TTC23L: variants seen among roughly 807,000 people sequenced by gnomAD.
TTC23L encodes tetratricopeptide repeat domain 23 like, also known as tetratricopeptide repeat protein 23-like.
Under a neutral mutation model 48.1 loss-of-function variants are expected in TTC23L, and 42 were observed. That is an observed-to-expected ratio of 0.87 (90% CI 0.68 to 1.13). The LOEUF is 1.13. Ranked by LOEUF, TTC23L falls within the 50% of genes most tolerant of loss-of-function variation. The pLI is 0.00. For missense variants in TTC23L, 391 were observed against 421.0 expected (o/e 0.93, Z 0.62); for synonymous variants, 159 against 157.2 (o/e 1.01, Z -0.09).
downstream of TTC23L, chr5:34,902,261 C>T (rs1452934854): frequency 5.5e-6 from 1 of 181,340 alleles, no homozygotes; most frequent in Admixed American, 5.4e-5. Context: ...ACCAAAAATA[C>T]AAAAATTAGC....
chr5:34,922,448 A>C, the TTC23L span: 1 of 949,046 alleles, frequency 1.1e-6, no homozygotes, highest in Admixed American at 2.3e-5. Flanking sequence ...TAAATGTATA[A>C]ATATTATAAG....
chr5:34,851,135 AC>A (rs1759642966), intron 4 of TTC23L, among the ~76,000 whole-genome samples: 1 of 152,164 alleles, frequency 6.6e-6, no homozygotes, highest in African/African-American at 2.4e-5. Context: ...TCCTTTGTAC[AC>A]AATATGGTTT....
chr5:34,850,818 T>A (rs1759612187), intron 4 of TTC23L, among the ~76,000 whole-genome samples: 1 of 152,204 alleles, frequency 6.6e-6, no homozygotes, highest in Non-Finnish European at 1.5e-5. Context: ...TACTCTAGTA[T>A]AAGAGAATAA....
At chr5:34,867,144 A>G (rs929979287) in intron 7 of TTC23L, 75 bp downstream of exon 7, 1 of 1,439,184 alleles carries the variant, frequency 6.9e-7, no homozygotes, top group African/African-American at 1.4e-5. Flanking sequence ...CCAGGGAAGC[A>G]TGGGCTTCTC....
chr5:34,919,750 T>C, the TTC23L span: 14 of 434,994 alleles, frequency 3.2e-5, no homozygotes, highest in East Asian at 4.8e-4. Context: ...GTAAAAACAC[T>C]TTATTTTCTG....
rs1394157929 is a variant in TTC23L at position 34,845,632 on chromosome 5, C to A, written c.214C>A (p.Gln72Lys). The change falls in exon 3 of 11, where the codon CAA (glutamine) becomes AAA (lysine). Residue 72 changes from glutamine (Q) to lysine (K), a missense_variant. Gln to Lys is a moderately conservative substitution (Grantham distance 53, BLOSUM62 1). Transcript: ENST00000505624. ...GTCTCATCCCAAAGAGAAATTAGCC[C>A]AATCCCAGAAGAAAGTAGCTCAGCT... The A allele has an allele frequency of 3.1e-6, 5 of 1,613,454 alleles. No homozygotes were observed. The Admixed American group carries it at 8.4e-5, about 27-fold the overall frequency.
At chr5:34,845,091 A>G (rs1186930502) in intron 2 of TTC23L, among the ~76,000 whole-genome samples, 1 of 152,184 alleles carries the variant, frequency 6.6e-6, no homozygotes, top group African/African-American at 2.4e-5. Flanking sequence ...TCCTGGAGCT[A>G]ATGATATACT....
chr5:34,904,452 G>A (rs570267178), downstream of TTC23L, among the ~76,000 whole-genome samples: 54 of 151,736 alleles, frequency 3.6e-4, no homozygotes, highest in Non-Finnish European at 2.8e-4. Flanking sequence ...TTATTAGCTC[G>A]ATGTGGTGGC....
Position 34,864,540 on chromosome 5 carries a change from G to A in TTC23L, c.640G>A (p.Asp214Asn), listed in dbSNP as rs549474035. ...TTGTGAATTACAAGTCTCTGAGAAC[G>A]ACCTAACACTTGCTTTGGGCAGGTA... The change falls in exon 6 of 11, where the codon GAC becomes AAC. Residue 214 changes from aspartate to asparagine, a missense_variant. Physicochemically the swap from Asp to Asn is conservative, Grantham distance 23. Transcript: ENST00000505624. The A allele has an allele frequency of 1.9e-6, 3 of 1,613,472 alleles. No homozygotes were observed. Among genetic ancestry groups the A allele is most frequent in the East Asian group, 4.5e-5 (2 of 44,862 alleles).
chr5:34,862,470 A>T (rs1760745913), intron 4 of TTC23L, among the ~76,000 whole-genome samples: 1 of 152,172 alleles, frequency 6.6e-6, no homozygotes, highest in Non-Finnish European at 1.5e-5. Context: ...TATAATTATT[A>T]TTGTTGTTCA....
At position 34,843,595 on chromosome 5, in the gene TTC23L, A is replaced by G. The variant is rs185466861; in HGVS notation, c.69-1892A>G. 7.9e-4 allele frequency among the ~76,000 whole-genome samples: 121 copies of G among 152,378 alleles called. 1 individual carries two copies. The highest frequency in any genetic ancestry group is 2.7e-3 in the African/African-American group (112 of 41,592). Reference sequence around the variant, plus strand: ...CATAATTAGCAATCTGGTGACTCCAATAGATTTAACTTCTGCTCTAGGTCT... The same window carrying G: ...CATAATTAGCAATCTGGTGACTCCAGTAGATTTAACTTCTGCTCTAGGTCT... On this transcript the variant is annotated intron_variant, in intron 2 of 10. Coordinates refer to ENST00000505624, the Ensembl canonical transcript of TTC23L.
the TTC23L span, chr5:34,923,496 T>A: frequency 7.1e-6 from 3 of 419,646 alleles, no homozygotes; most frequent in Non-Finnish European, 8.7e-6. Context: ...CAGGCTGGTC[T>A]CAAACTCCTG....
chr5:34,851,796 A>C (rs889951855), intron 4 of TTC23L, among the ~76,000 whole-genome samples: 2 of 152,246 alleles, frequency 1.3e-5, no homozygotes, highest in African/African-American at 4.8e-5. Context: ...GTACTTATGG[A>C]GTTCTTGTTA....
At chr5:34,884,523 T>TACACACACACAC (rs572660867) in intron 9 of TTC23L, among the ~76,000 whole-genome samples, 5 of 148,738 alleles carry the variant, frequency 3.4e-5, no homozygotes, top group African/African-American at 9.9e-5. Context: ...AATGATCACA[T>TACACACACACAC]ACACACACAC....
In TTC23L at chr5:34,840,645, C is replaced by T; in HGVS notation, c.-7-20C>T. The T allele has an allele frequency of 6.2e-7, 1 of 1,611,226 alleles. No homozygotes were observed. Among genetic ancestry groups the T allele is most frequent in the Non-Finnish European group, 8.5e-7 (1 of 1,177,386 alleles). On this transcript the variant is annotated intron_variant, in intron 1 of 10. Coordinates refer to ENST00000505624, the Ensembl canonical transcript of TTC23L. ...ACCCAGCCTTTTCTCTCAAAGCTGA[C>T]CTTACCTGATTCTTGGTAGGAAGAA... is the stretch of plus-strand genomic sequence containing the variant.
intron 3 of TTC23L, among the ~76,000 whole-genome samples, chr5:34,847,648 C>G (rs1264439984): frequency 6.6e-6 from 1 of 152,114 alleles, no homozygotes; most frequent in Non-Finnish European, 1.5e-5. Context: ...ATGTCCAGAG[C>G]CAAAGCTTTG....
intron 9 of TTC23L, among the ~76,000 whole-genome samples, chr5:34,885,750 A>AT: frequency 6.6e-6 from 1 of 151,666 alleles, no homozygotes; most frequent in East Asian, 1.9e-4. Flanking sequence ...CTGTCTAAAA[A>AT]AAAAAGAAAG....
At chr5:34,873,010 C>G (rs1761575015) in intron 8 of TTC23L, among the ~76,000 whole-genome samples, 1 of 151,824 alleles carries the variant, frequency 6.6e-6, no homozygotes, top group Non-Finnish European at 1.5e-5. Context: ...TTGCAATGAG[C>G]CGAGATCGCG....
chr5:34,850,250 T>C, exon 4 of TTC23L: 1 of 1,613,938 alleles, frequency 6.2e-7, no homozygotes, highest in South Asian at 1.1e-5. Context: ...TTGGGGACCA[T>C]CACTGGAAAT....
Sources: allele counts gnomAD v4.1 joint callset (sites outside exome capture counted in the v4.1 genomes callset), GRCh38; gene constraint gnomAD v4.1.1; transcripts MANE v1.5; gene names NCBI Gene and HGNC (gene_info 2026-07-23, HGNC 2026-07-21).